The following PHACTR3 variants were observed in gnomAD, a reference collection of about 807,000 sequenced individuals.
PHACTR3 encodes phosphatase and actin regulator 3.
PHACTR3 carries 16 observed loss-of-function variants against 66.8 expected under a neutral mutation model. That is an observed-to-expected ratio of 0.24 (90% CI 0.16 to 0.36). The LOEUF (loss-of-function observed/expected upper bound fraction) is 0.36. PHACTR3 is among the 10% of genes least tolerant of loss of function. The pLI is 1.00. For synonymous variants in PHACTR3, 323 were observed against 292.1 expected (o/e 1.11, Z -1.08); for missense variants, 647 against 719.9 (o/e 0.90, Z 1.16).
intron 7 of PHACTR3, among the ~76,000 whole-genome samples, chr20:59,802,650 G>A (rs2041448142): frequency 6.6e-6 from 1 of 152,122 alleles, no homozygotes; most frequent in Admixed American, 6.5e-5. Context: ...TGGTGAGGTG[G>A]AGCTGAGAGC....
At chr20:59,578,534 T>G (rs2032779828) in intron 1 of PHACTR3, among the ~76,000 whole-genome samples, 1 of 152,204 alleles carries the variant, frequency 6.6e-6, no homozygotes, top group Admixed American at 6.5e-5. Context: ...GTGGTTCTTT[T>G]CAGTGCCTCG....
intron 1 of PHACTR3, among the ~76,000 whole-genome samples, chr20:59,682,010 CAAA>C (rs539181814): frequency 1.6e-5 from 2 of 126,566 alleles, no homozygotes; most frequent in African/African-American, 2.9e-5. Flanking sequence ...AACTCTATCT[CAAA>C]AAAAAAAAAA....
In PHACTR3 at chr20:59,654,909, G is replaced by A. The variant is rs146032093; in HGVS notation, c.118+49777G>A. 3.8e-3 allele frequency among the ~76,000 whole-genome samples: 579 copies of A among 152,180 alleles called. 5 individuals are homozygous for A. The highest frequency in any genetic ancestry group is 0.013 in the African/African-American group (549 of 41,544). The stretch of plus-strand genomic sequence containing the variant: ...ATTCAGTGTGTGTATGTGTGTGTGT[G>A]TATGTGTTGGTTTCTTTGTTTTATT... On this transcript the variant is annotated intron_variant, in intron 1 of 12. Coordinates refer to ENST00000371015, the MANE Select transcript of PHACTR3 (RefSeq NM_080672.5).
At chr20:59,749,438 A>G (rs2039495769) in intron 3 of PHACTR3, among the ~76,000 whole-genome samples, 1 of 152,224 alleles carries the variant, frequency 6.6e-6, no homozygotes. Context: ...TTTTTGCAAG[A>G]TGACTTTGTC....
chr20:59,679,464 T>A (rs1032137143), intron 1 of PHACTR3, among the ~76,000 whole-genome samples: 1 of 152,226 alleles, frequency 6.6e-6, no homozygotes, highest in African/African-American at 2.4e-5. Context: ...ATAACAAACA[T>A]TGTATTAACA....
At chr20:59,842,195 T>TCAAA (rs2059076632) in intron 11 of PHACTR3, among the ~76,000 whole-genome samples, 2 of 152,168 alleles carry the variant, frequency 1.3e-5, no homozygotes, top group African/African-American at 4.8e-5. Flanking sequence ...TTGTCTGTGA[T>TCAAA]CAAACACTTG....
chr20:59,608,541 C>T (rs949299457), intron 1 of PHACTR3, among the ~76,000 whole-genome samples: 12 of 152,248 alleles, frequency 7.9e-5, no homozygotes, highest in Admixed American at 4.6e-4. Context: ...GCCCGCTCCA[C>T]ATCCTGGGGC....
chr20:59,730,686 A>G (rs1432762447), intron 1 of PHACTR3, among the ~76,000 whole-genome samples: 2 of 152,172 alleles, frequency 1.3e-5, no homozygotes, highest in Non-Finnish European at 2.9e-5. Context: ...ATTTTTTCCC[A>G]GAAGACATTT....
At chr20:59,709,088 G>A (rs1008584001) in intron 1 of PHACTR3, among the ~76,000 whole-genome samples, 2 of 152,186 alleles carry the variant, frequency 1.3e-5, no homozygotes, top group African/African-American at 4.8e-5. Context: ...TAGAGTATGA[G>A]CAGGTGTCTC....
At chr20:59,668,020 C>A (rs147874354) in intron 1 of PHACTR3, among the ~76,000 whole-genome samples, 3 of 152,162 alleles carry the variant, frequency 2.0e-5, no homozygotes, top group Non-Finnish European at 4.4e-5. Flanking sequence ...ACACCTGTAC[C>A]GAGGCAGAGG....
At chr20:59,780,972 G>T (rs1304933257) in intron 7 of PHACTR3, among the ~76,000 whole-genome samples, 3 of 152,172 alleles carry the variant, frequency 2.0e-5, no homozygotes, top group Admixed American at 6.5e-5. Flanking sequence ...CATCACTGTG[G>T]TTAAGGAGCA....
chr20:59,712,136 TTA>T (rs2037932789), intron 1 of PHACTR3, among the ~76,000 whole-genome samples: 1 of 152,224 alleles, frequency 6.6e-6, no homozygotes, highest in African/African-American at 2.4e-5. Flanking sequence ...CTTAAAAATT[TTA>T]TCTTAACCCT....
intron 1 of PHACTR3, among the ~76,000 whole-genome samples, chr20:59,623,088 G>A (rs2034317347): frequency 6.7e-6 from 1 of 149,884 alleles, no homozygotes; most frequent in South Asian, 2.1e-4. Context: ...GGAAATATAG[G>A]CAGGGAAGGG....
intron 4 of PHACTR3, among the ~76,000 whole-genome samples, chr20:59,762,698 T>C (rs966583678): frequency 6.6e-6 from 1 of 152,220 alleles, no homozygotes; most frequent in African/African-American, 2.4e-5. Flanking sequence ...AAATATTTTC[T>C]ACCTGGCCCT....
chr20:59,651,767 A>T (rs1485960525), intron 1 of PHACTR3, among the ~76,000 whole-genome samples: 1 of 152,216 alleles, frequency 6.6e-6, no homozygotes, highest in African/African-American at 2.4e-5. Context: ...CATCTCCAGG[A>T]TATATCATAG....
At position 59,738,850 on chromosome 20, in the gene PHACTR3, G is replaced by A. The variant is rs1287371077; in HGVS notation, c.119-4257G>A. 4.6e-5 allele frequency among the ~76,000 whole-genome samples: 7 copies of A among 152,084 alleles called. No individual in the cohort carries two copies. The highest frequency in any genetic ancestry group is 3.8e-4 in the East Asian group (2 of 5,196). ...CCTCTGCTCATCCCTGGAGATCTTC[G>A]TCTTCATCTTCAGCTGAGCTTGGAG... On this transcript the variant is annotated intron_variant, in intron 1 of 12. Transcript: ENST00000371015. The surrounding 1 kb of genome is among the most constrained non-coding windows in gnomAD (Gnocchi z 4.4).
intron 3 of PHACTR3, among the ~76,000 whole-genome samples, chr20:59,752,082 A>C (rs2039614032): frequency 6.6e-6 from 1 of 152,210 alleles, no homozygotes; most frequent in Non-Finnish European, 1.5e-5. Context: ...TGCTGTGTTC[A>C]GTGACTTGAG....
At chr20:59,815,179 G>A (rs923936855) in intron 8 of PHACTR3, among the ~76,000 whole-genome samples, 1 of 152,130 alleles carries the variant, frequency 6.6e-6, no homozygotes, top group Non-Finnish European at 1.5e-5. Context: ...ACATGAGGAG[G>A]GACCTCATCG....
At chr20:59,751,200 G>A (rs576727166) in intron 3 of PHACTR3, among the ~76,000 whole-genome samples, 59 of 141,708 alleles carry the variant, frequency 4.2e-4, no homozygotes, top group Middle Eastern at 3.4e-3. Context: ...TTAAGGAACC[G>A]GCTTCAGGGT....
Sources: allele counts gnomAD v4.1 joint callset (sites outside exome capture counted in the v4.1 genomes callset), GRCh38; gene constraint gnomAD v4.1.1; non-coding constraint Gnocchi (gnomAD v3.1); transcripts MANE v1.5; gene names NCBI Gene and HGNC (gene_info 2026-07-23, HGNC 2026-07-21).